The following EPHA6 variants were observed in gnomAD, a reference collection of about 807,000 sequenced individuals.
EPHA6 encodes EPH receptor A6.
In EPHA6, 50 loss-of-function variants were observed where a neutral mutation model predicts 112.0. The ratio of observed to expected loss-of-function variants is 0.45; its 90% CI spans 0.36 to 0.56. EPHA6 has a LOEUF of 0.56. Ranked by LOEUF, EPHA6 falls within the 20% of genes least tolerant of loss-of-function variation. EPHA6 has a pLI of 0.00. For synonymous variants in EPHA6, 529 were observed against 490.7 expected (o/e 1.08, Z -1.03); for missense variants, 1,280 against 1,417.4 (o/e 0.90, Z 1.56).
intron 15 of EPHA6, among the ~76,000 whole-genome samples, chr3:97,730,300 T>C (rs2034980186): frequency 1.3e-5 from 2 of 152,118 alleles, no homozygotes; most frequent in Admixed American, 6.6e-5. Context: ...CTGTTGATTC[T>C]AGGTTGTTAA....
chr3:97,312,995 G>T (rs2081632672), intron 5 of EPHA6, among the ~76,000 whole-genome samples: 1 of 151,280 alleles, frequency 6.6e-6, no homozygotes. Context: ...CTTAATAATA[G>T]ATTACTAAGG....
intron 11 of EPHA6, among the ~76,000 whole-genome samples, chr3:97,546,852 C>T (rs936842303): frequency 2.6e-5 from 4 of 152,174 alleles, no homozygotes; most frequent in African/African-American, 9.7e-5. Context: ...TCCAGTTGAT[C>T]ACAGCGGCTA....
At chr3:97,160,165 G>GA (rs1271821763) in intron 3 of EPHA6, among the ~76,000 whole-genome samples, 1 of 152,064 alleles carries the variant, frequency 6.6e-6, no homozygotes, top group Non-Finnish European at 1.5e-5. Context: ...AGGTGGCCGG[G>GA]AAAAAAGTCT....
intron 5 of EPHA6, among the ~76,000 whole-genome samples, chr3:97,351,882 G>A (rs554939783): frequency 6.6e-6 from 1 of 151,946 alleles, no homozygotes; most frequent in East Asian, 1.9e-4. Context: ...TTATATTATT[G>A]GTTTATCATT....
chr3:97,130,742 T>C (rs536766823), intron 3 of EPHA6, among the ~76,000 whole-genome samples: 2 of 152,288 alleles, frequency 1.3e-5, no homozygotes, highest in African/African-American at 4.8e-5. Flanking sequence ...CTTGAATAAT[T>C]TGATTACATA....
At chr3:97,114,733 TCAA>T (rs1317188186) in intron 3 of EPHA6, among the ~76,000 whole-genome samples, 2 of 152,028 alleles carry the variant, frequency 1.3e-5, no homozygotes, top group Non-Finnish European at 1.5e-5. Context: ...ACTAATTCAC[TCAA>T]CAACTATTTT....
At chr3:97,520,315 G>A (rs915831225) in intron 10 of EPHA6, among the ~76,000 whole-genome samples, 3 of 152,078 alleles carry the variant, frequency 2.0e-5, no homozygotes, top group Non-Finnish European at 4.4e-5. Flanking sequence ...GGTTTTATAC[G>A]TTCATGTGTT....
intron 14 of EPHA6, among the ~76,000 whole-genome samples, chr3:97,712,059 G>A (rs2033994370): frequency 1.3e-5 from 2 of 152,046 alleles, no homozygotes; most frequent in South Asian, 2.1e-4. Context: ...AAAATTTAAT[G>A]TATTAAATAT....
At chr3:96,950,993 C>T (rs1354841771) in intron 2 of EPHA6, among the ~76,000 whole-genome samples, 1 of 151,464 alleles carries the variant, frequency 6.6e-6, no homozygotes, top group African/African-American at 2.4e-5. Context: ...TTAGTGTTGA[C>T]TTCTTTGCTT....
intron 6 of EPHA6, among the ~76,000 whole-genome samples, chr3:97,419,431 C>G (rs2088424780): frequency 6.6e-6 from 1 of 152,110 alleles, no homozygotes; most frequent in Non-Finnish European, 1.5e-5. Flanking sequence ...CAAGACCAGC[C>G]TGGCCAACAT....
Position 97,414,921 on chromosome 3 carries a change from T to A in EPHA6, c.1731+9647T>A, listed in dbSNP as rs113483021. On this transcript the variant is annotated intron_variant, in intron 6 of 17. Coordinates refer to ENST00000389672, the MANE Select transcript of EPHA6 (RefSeq NM_001080448.3). ...TATATTCCTAATGGTTGCCTTCAAT[T>A]ATTTAGAGAGGACTTCTAAGCTTTT... 3.4e-3 allele frequency among the ~76,000 whole-genome samples: 516 copies of A among 152,152 alleles called. 3 individuals are homozygous for A. Among genetic ancestry groups the A allele is most frequent in the African/African-American group, 0.011 (453 of 41,548 alleles).
intron 9 of EPHA6, chr3:97,481,655 C>G: frequency 2.4e-6 from 1 of 424,252 alleles, no homozygotes; most frequent in Non-Finnish European, 4.4e-6. Context: ...GCCCCGCCCC[C>G]TGCCTTCAAC....
chr3:97,344,554 T>C (rs2083448972), intron 5 of EPHA6, among the ~76,000 whole-genome samples: 1 of 152,162 alleles, frequency 6.6e-6, no homozygotes, highest in African/African-American at 2.4e-5. Context: ...GCATTCTTAC[T>C]GGACACCAGA....
At chr3:96,879,711 G>T (rs749459243) in intron 2 of EPHA6, among the ~76,000 whole-genome samples, 1 of 152,048 alleles carries the variant, frequency 6.6e-6, no homozygotes, top group Non-Finnish European at 1.5e-5. Flanking sequence ...TCTCGTAGAG[G>T]TCTTTCACCT....
At chr3:97,598,860 G>T (rs953389740) in intron 12 of EPHA6, among the ~76,000 whole-genome samples, 2 of 151,330 alleles carry the variant, frequency 1.3e-5, no homozygotes, top group African/African-American at 4.8e-5. Flanking sequence ...CACAATGGTT[G>T]AACTAGTTTA....
chr3:97,014,187 A>G (rs115311674), intron 3 of EPHA6, among the ~76,000 whole-genome samples: 4,424 of 152,280 alleles, frequency 0.029, 209 homozygotes, highest in African/African-American at 0.098. Context: ...AGAGCGATAG[A>G]TAGGTCAATA....
At chr3:97,631,566 T>C (rs1419191649) in intron 13 of EPHA6, among the ~76,000 whole-genome samples, 2 of 152,032 alleles carry the variant, frequency 1.3e-5, no homozygotes, top group East Asian at 1.9e-4. Flanking sequence ...GATATACATA[T>C]GGACCAAATT....
chr3:97,107,602 G>C (rs116278258), intron 3 of EPHA6, among the ~76,000 whole-genome samples: 3,054 of 152,120 alleles, frequency 0.02, 55 homozygotes, highest in South Asian at 0.076. Context: ...CTAACTTCAT[G>C]CTTGTCCCCT....
At chr3:97,480,707 G>A (rs182397189) in intron 9 of EPHA6, among the ~76,000 whole-genome samples, 228 of 152,202 alleles carry the variant, frequency 1.5e-3, no homozygotes, top group Non-Finnish European at 2.4e-3. Context: ...TGACAAAACC[G>A]CCATCGTCAT....
Sources: allele counts gnomAD v4.1 joint callset (sites outside exome capture counted in the v4.1 genomes callset), GRCh38; gene constraint gnomAD v4.1.1; transcripts MANE v1.5; gene names NCBI Gene and HGNC (gene_info 2026-07-23, HGNC 2026-07-21).